The following LY96 variants were observed in gnomAD, a reference collection of about 807,000 sequenced individuals.
The protein encoded by LY96 is myeloid differentiation protein-2.
A neutral mutation model predicts 18.9 loss-of-function variants in LY96; 18 were observed. The ratio of observed to expected loss-of-function variants is 0.95; its 90% CI spans 0.66 to 1.41. The LOEUF is 1.41. Among genes scored for constraint, LY96 ranks in the 40% most tolerant of loss-of-function variants. LY96 has a pLI of 0.00. For missense variants in LY96, 175 were observed against 182.4 expected, an observed-to-expected ratio of 0.96 and a Z score of 0.23; for synonymous variants, 66 against 62.6, an observed-to-expected ratio of 1.06 and a Z score of -0.26.
At chr8:74,020,989 T>G (rs953931365) in intron 3 of LY96, among the ~76,000 whole-genome samples, 6 of 152,124 alleles carry the variant, frequency 3.9e-5, no homozygotes, top group African/African-American at 1.4e-4. Flanking sequence ...CTAGGCAATA[T>G]GATTCAGGAC....
chr8:74,094,336 A>G, the LY96 span, among the ~76,000 whole-genome samples: 1 of 152,122 alleles, frequency 6.6e-6, no homozygotes, highest in African/African-American at 2.4e-5. Context: ...GGTGGGACAT[A>G]ATGAACTCAT....
At chr8:74,090,363 C>T in the LY96 span, among the ~76,000 whole-genome samples, 1 of 151,990 alleles carries the variant, frequency 6.6e-6, no homozygotes, top group Non-Finnish European at 1.5e-5. Flanking sequence ...TTTAATGAAC[C>T]AGGGAGCAAA....
intron 3 of LY96, among the ~76,000 whole-genome samples, chr8:74,013,790 T>C (rs1816581247): frequency 6.6e-6 from 1 of 152,058 alleles, no homozygotes; most frequent in Non-Finnish European, 1.5e-5. Flanking sequence ...AGTTTTTTTG[T>C]AGTTGGAGCA....
chr8:74,077,561 C>T, the LY96 span, among the ~76,000 whole-genome samples: 1 of 151,958 alleles, frequency 6.6e-6, no homozygotes, highest in African/African-American at 2.4e-5. Flanking sequence ...AACAAGAATG[C>T]TAAATTGTTG....
chr8:74,002,990 T>G (rs1816330688), intron 1 of LY96, among the ~76,000 whole-genome samples: 2 of 152,236 alleles, frequency 1.3e-5, no homozygotes, highest in African/African-American at 4.8e-5. Context: ...TGGAGGTATT[T>G]TAAATTGTCT....
intron 3 of LY96, among the ~76,000 whole-genome samples, chr8:74,015,423 A>G (rs2131273418): frequency 6.6e-6 from 1 of 152,286 alleles, no homozygotes; most frequent in South Asian, 2.1e-4. Context: ...TGGTGGCCTA[A>G]GGCATGTCTT....
rs143608308 is a variant in LY96, at chr8:74,010,053, G to A, written c.255G>A (p.Met85Ile). 2 of 1,610,914 alleles carry A rather than the reference G, an allele frequency of 1.2e-6. No homozygotes were observed. The highest frequency in any genetic ancestry group is 8.5e-7 in the Non-Finnish European group (1 of 1,177,268). The change falls in exon 3 of 5, where the codon ATG becomes ATA. Residue 85 changes from methionine (M) to isoleucine (I), a missense_variant. Coordinates refer to ENST00000284818, the MANE Select transcript of LY96 (RefSeq NM_015364.5). ...YFNLYITVNTMNLPKRKEVIC... is the reference protein window; with the variant it reads ...YFNLYITVNTINLPKRKEVIC... ...ATCTCTATATAACTGTCAACACCAT[G>A]AATCTTCCAAAGCGCAAAGAAGTTA...
the LY96 span, among the ~76,000 whole-genome samples, chr8:74,086,116 A>T: frequency 1.3e-5 from 2 of 152,082 alleles, no homozygotes; most frequent in Non-Finnish European, 1.5e-5. Flanking sequence ...TAGATCCCAC[A>T]TATAAGTGAA....
chr8:74,016,249 C>T (rs1338088167), intron 3 of LY96, among the ~76,000 whole-genome samples: 1 of 152,210 alleles, frequency 6.6e-6, no homozygotes, highest in Non-Finnish European at 1.5e-5. Context: ...CCCACAGAGC[C>T]TTGCTCACTG....
intron 1 of LY96, among the ~76,000 whole-genome samples, chr8:73,996,433 C>CTTTCTT (rs1816148461): frequency 9.8e-6 from 1 of 102,218 alleles, no homozygotes; most frequent in Non-Finnish European, 2.1e-5. Flanking sequence ...TTCTTTCTTT[C>CTTTCTT]TTTCTTTTTC....
the LY96 span, among the ~76,000 whole-genome samples, chr8:74,042,796 G>A: frequency 3.4e-5 from 5 of 145,344 alleles, no homozygotes; most frequent in African/African-American, 7.7e-5. Flanking sequence ...TTTTTTTTTC[G>A]AGACAGAGTC....
At chr8:74,014,484 G>T (rs1387130543) in intron 3 of LY96, among the ~76,000 whole-genome samples, 2 of 131,400 alleles carry the variant, frequency 1.5e-5, no homozygotes, top group South Asian at 2.4e-4. Flanking sequence ...GAACAGGCAG[G>T]TTTTTTTTTT....
At chr8:74,043,351 G>C in the LY96 span, among the ~76,000 whole-genome samples, 1 of 152,208 alleles carries the variant, frequency 6.6e-6, no homozygotes, top group Non-Finnish European at 1.5e-5. Flanking sequence ...GATGTGTGAA[G>C]ATTGTGTTCT....
the LY96 span, among the ~76,000 whole-genome samples, chr8:74,087,338 T>C: frequency 6.6e-6 from 1 of 152,220 alleles, no homozygotes; most frequent in East Asian, 1.9e-4. Context: ...CCGTTCTATA[T>C]TTTGACAAGT....
the LY96 span, among the ~76,000 whole-genome samples, chr8:74,088,034 T>C: frequency 6.6e-6 from 1 of 151,640 alleles, no homozygotes; most frequent in Non-Finnish European, 1.5e-5. Flanking sequence ...TTTTGCTGGC[T>C]TGAATTCCCA....
At chr8:74,026,997 G>A (rs1298628343) in intron 4 of LY96, among the ~76,000 whole-genome samples, 156 bp downstream of exon 4, 1 of 149,076 alleles carries the variant, frequency 6.7e-6, no homozygotes, top group Admixed American at 6.7e-5. Flanking sequence ...GCAGTGGCAC[G>A]ATCTCTGCTC....
chr8:74,079,217 G>T, the LY96 span, among the ~76,000 whole-genome samples: 13 of 152,128 alleles, frequency 8.5e-5, no homozygotes, highest in African/African-American at 3.1e-4. Context: ...CAGCACTCCT[G>T]GTTCTGATGC....
intron 3 of LY96, among the ~76,000 whole-genome samples, chr8:74,012,891 G>A (rs1328097950): frequency 1.3e-5 from 2 of 151,482 alleles, no homozygotes; most frequent in African/African-American, 4.9e-5. Context: ...ATTAGCAATA[G>A]AACTATATGT....
the LY96 span, among the ~76,000 whole-genome samples, chr8:74,098,474 C>T: frequency 6.6e-6 from 1 of 152,128 alleles, no homozygotes; most frequent in Non-Finnish European, 1.5e-5. Flanking sequence ...CTCCTGGGCT[C>T]AAGCGATTCT....
Sources: gnomAD v4.1 joint callset for allele counts (sites outside exome capture counted in the v4.1 genomes callset) on GRCh38, gnomAD v4.1.1 for gene constraint, MANE v1.5 for transcripts, NCBI Gene and HGNC (gene_info 2026-07-23, HGNC 2026-07-21) for gene names.